The following RAPGEF5 variants were observed in gnomAD, a reference collection of about 807,000 sequenced individuals.
The protein encoded by RAPGEF5 is Rap guanine nucleotide exchange factor 5, also known as M-Ras-regulated GEF.
Under a neutral mutation model 125.2 loss-of-function variants are expected in RAPGEF5, and 65 were observed. That is an observed-to-expected ratio of 0.52 (90% CI 0.43 to 0.64). The LOEUF (loss-of-function observed/expected upper bound fraction) is 0.64. Ranked by LOEUF, RAPGEF5 falls within the 30% of genes least tolerant of loss-of-function variation. The pLI is 0.00. For synonymous variants in RAPGEF5, 391 were observed against 385.9 expected (o/e 1.01, Z -0.16); for missense variants, 958 against 1,048.1 (o/e 0.91, Z 1.19).
intron 23 of RAPGEF5, among the ~76,000 whole-genome samples, chr7:22,132,166 T>G (rs1439434460): frequency 1.3e-5 from 2 of 152,186 alleles, no homozygotes; most frequent in African/African-American, 4.8e-5. Context: ...TAATCAAGAT[T>G]TTTATTCTGC....
rs763594640 is a variant in RAPGEF5, at chr7:22,167,080, G to A, written c.1273C>T (p.Leu425=). ...FMTTDDLCQA[L]LRHYSAKKYQ... ...GATAATGAAGGATATTGCCTTAACAGAGCCTGGCACAAGTCATCAGTTGTC... is the reference window on the plus strand; with the variant it reads ...GATAATGAAGGATATTGCCTTAACAAAGCCTGGCACAAGTCATCAGTTGTC... The change falls in exon 12 of 26, where the codon CTG becomes TTG. Residue 425 remains leucine (L), a synonymous_variant. Transcript: ENST00000665637. 2 of 1,611,802 alleles carry A rather than the reference G, an allele frequency of 1.2e-6. No individual in the cohort carries two copies. Among genetic ancestry groups the A allele is most frequent in the Non-Finnish European group, 1.7e-6 (2 of 1,178,200 alleles).
chr7:22,188,974 A>C (rs748999383), intron 11 of RAPGEF5, among the ~76,000 whole-genome samples: 3 of 151,686 alleles, frequency 2.0e-5, no homozygotes, highest in Non-Finnish European at 4.4e-5. Flanking sequence ...TATCTCTGAA[A>C]GAATCAAGGC....
At chr7:22,321,227 C>G (rs1301558217) in intron 1 of RAPGEF5, among the ~76,000 whole-genome samples, 3 of 151,882 alleles carry the variant, frequency 2.0e-5, no homozygotes, top group Non-Finnish European at 4.4e-5. Context: ...AATTGCAATC[C>G]TTTAATATTC....
chr7:22,298,013 T>C (rs2128149326), intron 5 of RAPGEF5, among the ~76,000 whole-genome samples: 1 of 152,280 alleles, frequency 6.6e-6, no homozygotes, highest in African/African-American at 2.4e-5. Flanking sequence ...ATCATATAAT[T>C]TGTCTATTTT....
chr7:22,223,756 T>A (rs1268569235), intron 8 of RAPGEF5, among the ~76,000 whole-genome samples: 1 of 152,086 alleles, frequency 6.6e-6, no homozygotes, highest in African/African-American at 2.4e-5. Context: ...TATTTGGTGG[T>A]AGGGACATGC....
rs796272787 is a variant in RAPGEF5 at position 22,312,212 on chromosome 7, C to CTT, written c.390-2124_390-2123dup. ...GGGTGGGACCTCAGATTCCACATTCCTTTTTTTTTTTTTGAGACTGAGTTT... is the reference window on the plus strand; with the variant it reads ...GGGTGGGACCTCAGATTCCACATTCCTTTTTTTTTTTTTTTGAGACTGAGTTT... On this transcript the variant is annotated intron_variant, in intron 3 of 25. Transcript: ENST00000665637. Among the ~76,000 whole-genome samples the CTT allele has an allele frequency of 5.6e-5, 8 of 144,008 alleles. No homozygotes were observed. The South Asian group carries it at 6.7e-4, about 12-fold the overall frequency. The allele number at this position is 144,008 out of a possible 152,430, so 94.5% of individuals were successfully genotyped here.
At chr7:22,316,516 G>T (rs1158377006) in intron 2 of RAPGEF5, among the ~76,000 whole-genome samples, 2 of 126,752 alleles carry the variant, frequency 1.6e-5, no homozygotes, top group Non-Finnish European at 1.6e-5. Context: ...TTTGAGGCAG[G>T]GTCTTGCTGT....
intron 20 of RAPGEF5, among the ~76,000 whole-genome samples, chr7:22,143,006 G>A (rs1314062544): frequency 2.0e-5 from 3 of 152,194 alleles, no homozygotes; most frequent in African/African-American, 4.8e-5. Flanking sequence ...GAGAAGATGT[G>A]AATATATTTC....
At chr7:22,304,656 G>A (rs930268640) in intron 5 of RAPGEF5, among the ~76,000 whole-genome samples, 3 of 152,148 alleles carry the variant, frequency 2.0e-5, no homozygotes, top group Non-Finnish European at 4.4e-5. Flanking sequence ...ATGCACATGG[G>A]ATTATGCACA....
At chr7:22,174,659 T>C (rs1432138723) in intron 11 of RAPGEF5, among the ~76,000 whole-genome samples, 3 of 152,160 alleles carry the variant, frequency 2.0e-5, no homozygotes, top group Non-Finnish European at 2.9e-5. Context: ...TGGAGGAAAT[T>C]CCTGAAGGAT....
chr7:22,207,374 T>C (rs78698598), intron 9 of RAPGEF5, among the ~76,000 whole-genome samples: 5,150 of 152,198 alleles, frequency 0.034, 135 homozygotes, highest in Non-Finnish European at 0.051. Flanking sequence ...TAGTTTATAA[T>C]AGCAAAATTC....
chr7:22,207,744 T>C (rs1785428424), intron 9 of RAPGEF5, among the ~76,000 whole-genome samples: 1 of 152,182 alleles, frequency 6.6e-6, no homozygotes, highest in Admixed American at 6.5e-5. Flanking sequence ...ATGTATAATA[T>C]ACTAAATTTT....
At chr7:22,308,642 C>G (rs754096140) in intron 4 of RAPGEF5, 135 bp from the exon 5 acceptor site, 3 of 701,046 alleles carry the variant, frequency 4.3e-6, no homozygotes, top group Admixed American at 3.7e-5. Context: ...ATTCTAAGCT[C>G]ATTCATGTTT....
chr7:22,277,349 A>C lies in RAPGEF5; in HGVS notation c.748-10337T>G, dbSNP rs147439300. Among the ~76,000 whole-genome samples, 298 of 152,338 alleles carry C rather than the reference A, an allele frequency of 2.0e-3. 1 individual carries two copies. The highest frequency in any genetic ancestry group is 6.5e-3 in the African/African-American group (270 of 41,586). On this transcript the variant is annotated intron_variant, in intron 6 of 25. Coordinates refer to ENST00000665637, the MANE Select transcript of RAPGEF5 (RefSeq NM_012294.5). ...TGGGTTCAAATTCAAATTCAAATCC[A>C]AATTCAAATTCTTGTATTTAACAAG...
intron 6 of RAPGEF5, among the ~76,000 whole-genome samples, chr7:22,280,448 T>C (rs139720257): frequency 4.6e-5 from 7 of 152,252 alleles, no homozygotes; most frequent in Non-Finnish European, 8.8e-5. Flanking sequence ...GGAGATGCTT[T>C]GAAGTGGATG....
intron 7 of RAPGEF5, among the ~76,000 whole-genome samples, chr7:22,262,124 A>G (rs1317353807): frequency 1.3e-5 from 2 of 152,190 alleles, no homozygotes; most frequent in Admixed American, 1.3e-4. Context: ...AAGACAAGCT[A>G]CAGACTAGAA....
chr7:22,157,821 T>C (rs1783858061), intron 15 of RAPGEF5, 34 bp downstream of exon 15: 1 of 1,593,652 alleles, frequency 6.3e-7, no homozygotes, highest in East Asian at 2.2e-5. Context: ...CCAAACCGGA[T>C]CACCTAATTT....
At chr7:22,297,258 T>G (rs2128149121) in intron 5 of RAPGEF5, among the ~76,000 whole-genome samples, 1 of 152,282 alleles carries the variant, frequency 6.6e-6, no homozygotes. Flanking sequence ...ATGGGATCAG[T>G]GCACAATGTG....
chr7:22,293,029 C>G (rs1235702232), intron 5 of RAPGEF5, among the ~76,000 whole-genome samples: 1 of 152,206 alleles, frequency 6.6e-6, no homozygotes, highest in African/African-American at 2.4e-5. Flanking sequence ...ATTGATCTTC[C>G]AGCACAAACC....
Sources: gnomAD v4.1 joint callset for allele counts (sites outside exome capture counted in the v4.1 genomes callset) on GRCh38, gnomAD v4.1.1 for gene constraint, MANE v1.5 for transcripts, NCBI Gene and HGNC (gene_info 2026-07-23, HGNC 2026-07-21) for gene names.